Variants in STXBP5L observed in about 807,000 individuals in gnomAD.
STXBP5L encodes syntaxin binding protein 5L, also known as syntaxin-binding protein 5-like.
In STXBP5L, 65 loss-of-function variants were observed where a neutral mutation model predicts 144.5. The ratio of observed to expected loss-of-function variants is 0.45; its 90% CI spans 0.37 to 0.55. The LOEUF (loss-of-function observed/expected upper bound fraction) is 0.55, where lower values mean the gene tolerates loss of function less well. Ranked by LOEUF, STXBP5L falls within the 20% of genes least tolerant of loss-of-function variation. The pLI, the probability that STXBP5L is intolerant of heterozygous loss-of-function variation, is 0.00. For missense variants in STXBP5L, 1,298 were observed against 1,405.5 expected, an observed-to-expected ratio of 0.92 and a Z score of 1.22; for synonymous variants, 505 against 469.6, an observed-to-expected ratio of 1.08 and a Z score of -0.97.
At chr3:121,354,206 G>A (rs1039801573) in intron 20 of STXBP5L, among the ~76,000 whole-genome samples, 34 of 152,134 alleles carry the variant, frequency 2.2e-4, no homozygotes, top group African/African-American at 7.7e-4. Flanking sequence ...TCTGTTTGTT[G>A]CAGAGCTGAG....
intron 20 of STXBP5L, among the ~76,000 whole-genome samples, chr3:121,324,905 T>C (rs2044093343): frequency 6.6e-6 from 1 of 152,036 alleles, no homozygotes; most frequent in Admixed American, 6.5e-5. Context: ...GTACGGTCAA[T>C]AGAGAATTCA....
chr3:121,350,943 C>T (rs1006503051), intron 20 of STXBP5L, among the ~76,000 whole-genome samples: 3 of 152,134 alleles, frequency 2.0e-5, no homozygotes, highest in African/African-American at 7.2e-5. Context: ...TCATCTGAAG[C>T]CTTCTTCTCT....
intron 9 of STXBP5L, among the ~76,000 whole-genome samples, chr3:121,169,105 G>A (rs2046609651): frequency 6.6e-6 from 1 of 152,144 alleles, no homozygotes; most frequent in African/African-American, 2.4e-5. Context: ...CATAAGCAAA[G>A]GAGAAATAAA....
At chr3:120,977,142 G>A (rs1222834139) in intron 3 of STXBP5L, among the ~76,000 whole-genome samples, 4 of 152,122 alleles carry the variant, frequency 2.6e-5, no homozygotes, top group Non-Finnish European at 5.9e-5. Context: ...GTTGACAGTG[G>A]GGTGTTAAAG....
chr3:121,381,412 T>C lies in STXBP5L; in HGVS notation c.2467T>C (p.Ser823Pro). 1 of 1,610,220 alleles carries C rather than the reference T, an allele frequency of 6.2e-7. No homozygotes were observed. The highest frequency in any genetic ancestry group is 8.5e-7 in the Non-Finnish European group (1 of 1,178,770). The change falls in exon 22 of 27, where the codon TCT (serine) becomes CCT (proline). Residue 823 changes from serine to proline, a missense_variant. Transcript: ENST00000471454. The stretch of plus-strand genomic sequence containing the variant: ...GGACTCCTTTGCACGGAAAAATGAC[T>C]CTACCATCTCTCCTTGTCTGTTCGT... Reference protein sequence around the residue: ...FMDSFARKNDSTISPCLFVGT... With the variant: ...FMDSFARKNDPTISPCLFVGT...
intron 20 of STXBP5L, among the ~76,000 whole-genome samples, chr3:121,360,527 T>C (rs1335963277): frequency 3.3e-5 from 5 of 152,108 alleles, no homozygotes; most frequent in Non-Finnish European, 1.5e-5. Context: ...GGTGATATGA[T>C]TTCGTTTCCT....
At position 121,177,794 on chromosome 3, in the gene STXBP5L, A is replaced by G. The variant is rs201800877; in HGVS notation, c.877+20167A>G. 2.3e-4 allele frequency among the ~76,000 whole-genome samples: 35 copies of G among 152,350 alleles called. No homozygotes were observed. In the East Asian group the frequency reaches 4.6e-3, roughly 20 times the overall value. On this transcript the variant is annotated intron_variant, in intron 9 of 26. Coordinates refer to ENST00000471454, the MANE Select transcript of STXBP5L (RefSeq NM_001308330.2). ...ACTTCTGGGCATATGCCCAAAAGAAAGGAAAGCAGTGACTTGAGATATGTG... is the reference window on the plus strand; with the variant it reads ...ACTTCTGGGCATATGCCCAAAAGAAGGGAAAGCAGTGACTTGAGATATGTG...
chr3:121,008,577 C>T (rs1451648265), intron 3 of STXBP5L, among the ~76,000 whole-genome samples: 1 of 151,970 alleles, frequency 6.6e-6, no homozygotes, highest in South Asian at 2.1e-4. Context: ...TAATCCTCAT[C>T]TTGAATAATA....
intron 20 of STXBP5L, among the ~76,000 whole-genome samples, chr3:121,360,694 T>A (rs547651276): frequency 2.2e-4 from 34 of 152,252 alleles, no homozygotes; most frequent in African/African-American, 7.7e-4. Context: ...CACCTTAAGT[T>A]TGTCCTCCTG....
chr3:121,344,051 A>T (rs2044845211), intron 20 of STXBP5L, among the ~76,000 whole-genome samples: 1 of 152,150 alleles, frequency 6.6e-6, no homozygotes, highest in Non-Finnish European at 1.5e-5. Flanking sequence ...CAAAACAGAG[A>T]TATAGATCAA....
intron 14 of STXBP5L, among the ~76,000 whole-genome samples, chr3:121,243,195 T>A (rs1290180482): frequency 6.6e-6 from 1 of 152,186 alleles, no homozygotes; most frequent in Non-Finnish European, 1.5e-5. Context: ...CTGATAGAGA[T>A]CTGGCAAACT....
At chr3:121,385,784 C>T (rs1477786422) in intron 22 of STXBP5L, among the ~76,000 whole-genome samples, 1 of 152,112 alleles carries the variant, frequency 6.6e-6, no homozygotes, top group African/African-American at 2.4e-5. Context: ...CAGCCTTACT[C>T]CCTAAGTCAA....
At chr3:121,093,556 G>C (rs1009269870) in intron 5 of STXBP5L, among the ~76,000 whole-genome samples, 30 of 152,180 alleles carry the variant, frequency 2.0e-4, no homozygotes, top group Non-Finnish European at 3.8e-4. Flanking sequence ...TAGTTTATTT[G>C]CGTAGAGCTG....
At chr3:121,038,861 G>A (rs1020697195) in intron 3 of STXBP5L, among the ~76,000 whole-genome samples, 9 of 151,648 alleles carry the variant, frequency 5.9e-5, no homozygotes, top group Non-Finnish European at 1.3e-4. Flanking sequence ...CCCCGGTAAT[G>A]TTCTGTATTC....
intron 2 of STXBP5L, among the ~76,000 whole-genome samples, chr3:120,938,352 A>G (rs924223548): frequency 2.6e-5 from 4 of 152,164 alleles, no homozygotes; most frequent in East Asian, 1.9e-4. Flanking sequence ...CTAATATTTT[A>G]CTTTCCTAAA....
chr3:121,006,878 C>G (rs913683925), intron 3 of STXBP5L, among the ~76,000 whole-genome samples: 3 of 152,108 alleles, frequency 2.0e-5, no homozygotes, highest in Non-Finnish European at 2.9e-5. Flanking sequence ...AATATTGGCC[C>G]CCACTCTCTT....
intron 5 of STXBP5L, among the ~76,000 whole-genome samples, chr3:121,096,242 C>CCGGT (rs1484113808): frequency 6.6e-6 from 1 of 152,166 alleles, no homozygotes; most frequent in Non-Finnish European, 1.5e-5. Flanking sequence ...TATCTTGGAA[C>CCGGT]CACCTCCTCC....
Position 121,034,613 on chromosome 3 carries a change from G to A in STXBP5L, c.288-7087G>A, listed in dbSNP as rs187506401. Among the ~76,000 whole-genome samples, 43 of 150,304 alleles carry A rather than the reference G, an allele frequency of 2.9e-4. No homozygotes were observed. In the East Asian group the frequency reaches 6.8e-3, roughly 24 times the overall value. ...CTATCTAGCTCACATTTTCTTTATC[G>A]AACCATCCATTAATGGACACTTAGA... is the stretch of plus-strand genomic sequence containing the variant. On this transcript the variant is annotated intron_variant, in intron 3 of 26. Transcript: ENST00000471454.
At chr3:120,931,092 T>G (rs1368681126) in intron 2 of STXBP5L, among the ~76,000 whole-genome samples, 1 of 151,890 alleles carries the variant, frequency 6.6e-6, no homozygotes. Flanking sequence ...AAGTTGGGTT[T>G]TCTCTTTTTT....
Sources: allele counts gnomAD v4.1 joint callset (sites outside exome capture counted in the v4.1 genomes callset), GRCh38; gene constraint gnomAD v4.1.1; transcripts MANE v1.5; gene names NCBI Gene and HGNC (gene_info 2026-07-23, HGNC 2026-07-21).